Variants in USO1 observed in about 807,000 individuals in gnomAD.
USO1 encodes USO1 vesicle transport factor, also known as general vesicular transport factor p115.
Under a neutral mutation model 124.5 loss-of-function variants are expected in USO1, and 57 were observed. The observed-to-expected ratio is 0.46, with a 90% CI of 0.37 to 0.57. USO1 has a LOEUF of 0.57. Among genes scored for constraint, USO1 ranks in the 20% least tolerant of loss-of-function variants. The probability of loss-of-function intolerance (pLI) is 0.00; values close to 1 mark genes in which losing one functional copy is unlikely to be tolerated. For synonymous variants in USO1, 369 were observed against 362.8 expected (o/e 1.02, Z -0.19); for missense variants, 900 against 1,040.6 (o/e 0.86, Z 1.86).
chr4:75,759,137 T>C (rs1001055444), intron 4 of USO1, among the ~76,000 whole-genome samples: 2 of 151,698 alleles, frequency 1.3e-5, no homozygotes, highest in Non-Finnish European at 2.9e-5. Flanking sequence ...TTTATAATCA[T>C]GTTTAGAGCC....
intron 7 of USO1, 140 bp from the exon 8 acceptor site, chr4:75,774,536 T>A (rs1404770784): frequency 3.0e-6 from 3 of 990,722 alleles, no homozygotes; most frequent in Non-Finnish European, 4.3e-6. Context: ...ACTATTCTGT[T>A]CTTGTTTTCC....
chr4:75,742,242 C>T (rs1720984700), intron 1 of USO1, among the ~76,000 whole-genome samples: 1 of 152,190 alleles, frequency 6.6e-6, no homozygotes, highest in African/African-American at 2.4e-5. Flanking sequence ...CTGTGCCATA[C>T]TTTCATAAGC....
At chr4:75,795,239 TAG>T in intron 13 of USO1, 1 of 687,074 alleles carries the variant, frequency 1.5e-6, no homozygotes, top group Admixed American at 2.1e-5. Flanking sequence ...CTTGAGTTTG[TAG>T]AGAGACTATG....
intron 1 of USO1, among the ~76,000 whole-genome samples, chr4:75,731,744 T>G (rs1468125494): frequency 6.6e-6 from 1 of 152,186 alleles, no homozygotes; most frequent in African/African-American, 2.4e-5. Context: ...AAATCAATAT[T>G]AGGTGCTTGA....
intron 1 of USO1, among the ~76,000 whole-genome samples, chr4:75,744,379 A>G (rs1721061632): frequency 1.3e-5 from 2 of 152,198 alleles, no homozygotes; most frequent in South Asian, 2.1e-4. Flanking sequence ...CATTCATGAT[A>G]TCAGACTTCA....
chr4:75,755,543 C>T, intron 3 of USO1: 1 of 513,784 alleles, frequency 1.9e-6, no homozygotes. Flanking sequence ...GACTCGTTTT[C>T]AGTTATATTT....
At chr4:75,786,886 G>A (rs952130135) in intron 9 of USO1, among the ~76,000 whole-genome samples, 176 bp from the exon 10 acceptor site, 3 of 152,160 alleles carry the variant, frequency 2.0e-5, no homozygotes, top group Admixed American at 6.5e-5. Context: ...GAGGCATAAT[G>A]TAATATTACT....
chr4:75,802,082 G>T (rs557824515), intron 17 of USO1, among the ~76,000 whole-genome samples: 2 of 152,154 alleles, frequency 1.3e-5, no homozygotes, highest in African/African-American at 4.8e-5. Flanking sequence ...TCAGCCTTCC[G>T]AAATGCTGGG....
chr4:75,787,660 A>G (rs913710748), intron 10 of USO1, among the ~76,000 whole-genome samples: 2 of 152,212 alleles, frequency 1.3e-5, no homozygotes, highest in Non-Finnish European at 2.9e-5. Flanking sequence ...ATTTTTCTCA[A>G]ATTAACACGT....
At chr4:75,787,467 T>C (rs1722395504) in intron 10 of USO1, among the ~76,000 whole-genome samples, 1 of 152,212 alleles carries the variant, frequency 6.6e-6, no homozygotes, top group Non-Finnish European at 1.5e-5. Context: ...AATTTTGTTA[T>C]ATTCAACAGG....
intron 10 of USO1, among the ~76,000 whole-genome samples, chr4:75,789,945 G>A (rs922666337): frequency 1.3e-5 from 2 of 150,754 alleles, no homozygotes; most frequent in African/African-American, 4.9e-5. Flanking sequence ...TTTTGTGCCT[G>A]AATTTTGGCA....
intron 12 of USO1, among the ~76,000 whole-genome samples, chr4:75,791,845 T>G (rs1217695568): frequency 6.6e-6 from 1 of 152,166 alleles, no homozygotes; most frequent in Admixed American, 6.5e-5. Flanking sequence ...TTATTGATCA[T>G]TAATGAAAAT....
At chr4:75,733,580 T>C (rs1186797578) in intron 1 of USO1, among the ~76,000 whole-genome samples, 1 of 152,224 alleles carries the variant, frequency 6.6e-6, no homozygotes, top group Non-Finnish European at 1.5e-5. Context: ...TTTAGTGGTG[T>C]GGAACATTTT....
intron 3 of USO1, among the ~76,000 whole-genome samples, chr4:75,756,680 A>G (rs1308529345): frequency 6.6e-6 from 1 of 151,354 alleles, no homozygotes; most frequent in Non-Finnish European, 1.5e-5. Context: ...CTAATTTTGT[A>G]TTTTTAATAG....
chr4:75,758,400 A>G (rs1294636440), intron 4 of USO1, among the ~76,000 whole-genome samples: 1 of 152,198 alleles, frequency 6.6e-6, no homozygotes, highest in African/African-American at 2.4e-5. Flanking sequence ...ATGATCTCTC[A>G]AAATTCTGAG....
chr4:75,769,739 T>A (rs141271828), intron 4 of USO1, among the ~76,000 whole-genome samples: 433 of 110,130 alleles, frequency 3.9e-3, no homozygotes, highest in Non-Finnish European at 7.1e-3. Context: ...TTTTTAGTGA[T>A]CTTTTTTTTT....
chr4:75,767,789 A>G (rs1019872702), intron 4 of USO1, among the ~76,000 whole-genome samples: 1 of 152,166 alleles, frequency 6.6e-6, no homozygotes, highest in Non-Finnish European at 1.5e-5. Flanking sequence ...ATGTAGTGTT[A>G]AGTCTTCTAA....
chr4:75,781,158 C>T lies in USO1; in HGVS notation c.677-1522C>T, dbSNP rs1409295986. ...TTTGGAAGAAGTTGATTCCGGCAACCCTCATGGATGACTTGGAGGGGTTCA... is the reference window on the plus strand; with the variant it reads ...TTTGGAAGAAGTTGATTCCGGCAACTCTCATGGATGACTTGGAGGGGTTCA... On this transcript the variant is annotated intron_variant, in intron 8 of 23. Transcript: ENST00000514213. Among the ~76,000 whole-genome samples, 4 of 151,834 alleles carry T rather than the reference C, an allele frequency of 2.6e-5. No homozygotes were observed. In the East Asian group the frequency reaches 7.7e-4, roughly 29 times the overall value.
chr4:75,806,417 A>T, intron 19 of USO1, 69 bp from the exon 20 acceptor site: 3 of 1,482,308 alleles, frequency 2.0e-6, no homozygotes, highest in African/African-American at 1.5e-5. Flanking sequence ...ATATGTGTAC[A>T]GTTCTGTTTT....
Sources: allele counts gnomAD v4.1 joint callset (sites outside exome capture counted in the v4.1 genomes callset), GRCh38; gene constraint gnomAD v4.1.1; transcripts MANE v1.5; gene names NCBI Gene and HGNC (gene_info 2026-07-23, HGNC 2026-07-21).